SH3GL3: variants seen among roughly 807,000 people sequenced by gnomAD.
The protein encoded by SH3GL3 is SH3 domain containing GRB2 like 3, endophilin A3, also known as endophilin-A3.
SH3GL3 carries 33 observed loss-of-function variants against 47.7 expected under a neutral mutation model. The observed-to-expected ratio is 0.69, with a 90% confidence interval of 0.52 to 0.92. The LOEUF (loss-of-function observed/expected upper bound fraction) is 0.92. Among genes scored for constraint, SH3GL3 ranks in the 40% least tolerant of loss-of-function variants. SH3GL3 has a pLI of 0.00. For synonymous variants in SH3GL3, 155 were observed against 148.8 expected, an observed-to-expected ratio of 1.04 and a Z score of -0.30; for missense variants, 363 against 417.8, an observed-to-expected ratio of 0.87 and a Z score of 1.14.
chr15:83,577,271 G>A (rs1262213871), intron 6 of SH3GL3, among the ~76,000 whole-genome samples: 1 of 152,026 alleles, frequency 6.6e-6, no homozygotes, highest in Non-Finnish European at 1.5e-5. Flanking sequence ...AGCCATCCTG[G>A]GCCACATGTG....
intron 1 of SH3GL3, among the ~76,000 whole-genome samples, chr15:83,458,534 G>T (rs1026123692): frequency 6.6e-6 from 1 of 152,158 alleles, no homozygotes; most frequent in Non-Finnish European, 1.5e-5. Context: ...GATATTTCAG[G>T]CTGGATAACT....
intron 1 of SH3GL3, among the ~76,000 whole-genome samples, chr15:83,513,082 G>A (rs74866773): frequency 5.2e-4 from 79 of 152,250 alleles, no homozygotes; most frequent in African/African-American, 1.9e-3. Context: ...TACTTTTCCT[G>A]CTGTGAATCT....
At chr15:83,610,714 C>T (rs1490460490) in intron 8 of SH3GL3, among the ~76,000 whole-genome samples, 1 of 152,064 alleles carries the variant, frequency 6.6e-6, no homozygotes, top group Admixed American at 6.6e-5. Context: ...CTCAATTTCT[C>T]CATCCCTCAC....
chr15:83,604,438 T>C (rs1035375556), intron 8 of SH3GL3, among the ~76,000 whole-genome samples: 1 of 151,830 alleles, frequency 6.6e-6, no homozygotes, highest in Non-Finnish European at 1.5e-5. Flanking sequence ...GTGTAGAGAG[T>C]GTTAAGCCTT....
In SH3GL3 at chr15:83,576,641, T is replaced by C. The variant is rs1345083081; in HGVS notation, c.524T>C (p.Val175Ala). Reference sequence around the variant, plus strand: ...GATTACGATTATAAAAAGAAACGAGTAGGTAAGATACCAGACGAAGAAGTC... The same window carrying C: ...GATTACGATTATAAAAAGAAACGAGCAGGTAAGATACCAGACGAAGAAGTC... ...RLDYDYKKKR[V>A]GKIPDEEVRQ... Residue 175 changes from valine to alanine, a missense_variant, in exon 6 of 9, where the codon GTA becomes GCA. Physicochemically the swap from Val to Ala is moderately conservative, Grantham distance 64 (BLOSUM62 0). Coordinates refer to ENST00000427482, the MANE Select transcript of SH3GL3 (RefSeq NM_003027.5). 5 of 1,612,860 alleles carry C rather than the reference T, an allele frequency of 3.1e-6. No homozygotes were observed. Among genetic ancestry groups the C allele is most frequent in the Non-Finnish European group, 4.2e-6 (5 of 1,179,490 alleles).
intron 1 of SH3GL3, among the ~76,000 whole-genome samples, chr15:83,525,699 A>G (rs1174407027): frequency 6.6e-6 from 1 of 152,250 alleles, no homozygotes; most frequent in East Asian, 1.9e-4. Context: ...ATTTTGGGAT[A>G]TGGTGAGAGA....
chr15:83,589,156 CTT>C (rs953293302), intron 8 of SH3GL3, among the ~76,000 whole-genome samples: 1 of 151,986 alleles, frequency 6.6e-6, no homozygotes, highest in African/African-American at 2.4e-5. Context: ...GCAAATGTGT[CTT>C]TTAGTAAAAT....
At chr15:83,456,550 C>T (rs1162725800) in intron 1 of SH3GL3, among the ~76,000 whole-genome samples, 4 of 78,808 alleles carry the variant, frequency 5.1e-5, no homozygotes, top group East Asian at 6.9e-4. Flanking sequence ...GCGCAATATT[C>T]CGGTGGGAGT....
chr15:83,483,371 A>G (rs1019040565), intron 1 of SH3GL3, among the ~76,000 whole-genome samples: 4 of 152,232 alleles, frequency 2.6e-5, no homozygotes, highest in Non-Finnish European at 1.5e-5. Flanking sequence ...ATGCATGACT[A>G]CTGAGCATTT....
chr15:83,472,946 T>G (rs2040897779), intron 1 of SH3GL3, among the ~76,000 whole-genome samples: 1 of 152,204 alleles, frequency 6.6e-6, no homozygotes, highest in Non-Finnish European at 1.5e-5. Context: ...GTCTCATTAT[T>G]GCTGAGGGGG....
At position 83,448,921 on chromosome 15, in the gene SH3GL3, C is replaced by T. The variant is rs777311148; in HGVS notation, c.45+1343C>T. On this transcript the variant is annotated intron_variant, in intron 1 of 8. Transcript: ENST00000427482. This position sits in a 1 kb window ranked among gnomAD's most constrained non-coding sequence, Gnocchi z 4.2. ...GTGAGGGTGGAGATGATGGATTCAC[C>T]ACTGAACCCAGGGACTTTGAGGGGT... Among the ~76,000 whole-genome samples, 3 of 152,228 alleles carry T rather than the reference C, an allele frequency of 2.0e-5. No homozygotes were observed. The highest frequency in any genetic ancestry group is 4.4e-5 in the Non-Finnish European group (3 of 68,020).
intron 1 of SH3GL3, among the ~76,000 whole-genome samples, chr15:83,464,248 C>T (rs1413070237): frequency 6.6e-6 from 1 of 152,212 alleles, no homozygotes; most frequent in Non-Finnish European, 1.5e-5. Context: ...ACCTTCTGTA[C>T]TTGCTCAGAT....
intron 1 of SH3GL3, among the ~76,000 whole-genome samples, chr15:83,520,755 T>C (rs1254800621): frequency 6.6e-6 from 1 of 152,162 alleles, no homozygotes; most frequent in African/African-American, 2.4e-5. Flanking sequence ...CTTTACTGTA[T>C]TGAATACTGG....
At chr15:83,469,510 T>C (rs187707577) in intron 1 of SH3GL3, among the ~76,000 whole-genome samples, 1 of 152,336 alleles carries the variant, frequency 6.6e-6, no homozygotes, top group Non-Finnish European at 1.5e-5. Flanking sequence ...CTAATTGTGA[T>C]ATGTTGTAGT....
At chr15:83,565,366 A>G in intron 3 of SH3GL3, 160 bp downstream of exon 3, 1 of 624,526 alleles carries the variant, frequency 1.6e-6, no homozygotes, top group South Asian at 1.8e-5. Context: ...AGGTAGTTGC[A>G]TTCGGTCCTA....
At chr15:83,512,776 T>G (rs1450594513) in intron 1 of SH3GL3, among the ~76,000 whole-genome samples, 3 of 152,114 alleles carry the variant, frequency 2.0e-5, no homozygotes, top group African/African-American at 7.2e-5. Flanking sequence ...TTTGCCTGGC[T>G]GCCACCTCCC....
chr15:83,628,806 CAA>C, the SH3GL3 span, among the ~76,000 whole-genome samples: 2 of 151,472 alleles, frequency 1.3e-5, no homozygotes, highest in African/African-American at 2.4e-5. Flanking sequence ...GTGCAGAAAA[CAA>C]GAGAGAATAT....
intron 2 of SH3GL3, among the ~76,000 whole-genome samples, chr15:83,564,769 T>G (rs2045457816): frequency 6.6e-6 from 1 of 152,194 alleles, no homozygotes; most frequent in Non-Finnish European, 1.5e-5. Context: ...AAATTCAAGT[T>G]CACCTAGCAG....
Position 83,568,709 on chromosome 15 carries a change from C to G in SH3GL3, c.331+37C>G, listed in dbSNP as rs1453484347. 1.9e-6 allele frequency: 3 copies of G among 1,559,452 alleles called. No individual in the cohort carries two copies. In the East Asian group the frequency reaches 6.7e-5, roughly 35 times the overall value. On this transcript the variant is annotated intron_variant, in intron 4 of 8. Transcript: ENST00000427482. ...AGAGATCAGCTGGGGGAGCTGAGAA[C>G]TCCTCCAGTATGGTTTTAGGTTATA...
Sources: allele counts gnomAD v4.1 joint callset (sites outside exome capture counted in the v4.1 genomes callset), GRCh38; gene constraint gnomAD v4.1.1; non-coding constraint Gnocchi (gnomAD v3.1); transcripts MANE v1.5; gene names NCBI Gene and HGNC (gene_info 2026-07-23, HGNC 2026-07-21).